ARHGAP24: variants seen among roughly 807,000 people sequenced by gnomAD.
ARHGAP24 encodes the protein Rho GTPase activating protein 24.
In ARHGAP24, 50 loss-of-function variants were observed where a neutral mutation model predicts 76.4. The observed-to-expected ratio is 0.65, with a 90% CI of 0.52 to 0.83. ARHGAP24 has a LOEUF of 0.83. Among genes scored for constraint, ARHGAP24 ranks in the 40% least tolerant of loss-of-function variants. The pLI, the probability that ARHGAP24 is intolerant of heterozygous loss-of-function variation, is 0.00. For synonymous variants in ARHGAP24, 345 were observed against 323.3 expected (o/e 1.07, Z -0.72); for missense variants, 930 against 914.2 (o/e 1.02, Z -0.22).
Position 85,939,089 on chromosome 4 carries a change from T to C in ARHGAP24, c.392-2977T>C, listed in dbSNP as rs566416685. On this transcript the variant is annotated intron_variant, in intron 4 of 9. Transcript: ENST00000395184. ...CATTTGGCAAGTTACTTGACCTTTC[T>C]GTGCTTCAAGCTCCTCCTCCTTAAA... 9.2e-5 allele frequency among the ~76,000 whole-genome samples: 14 copies of C among 152,334 alleles called. No homozygotes were observed. In the East Asian group the frequency reaches 2.7e-3, roughly 29 times the overall value.
intron 3 of ARHGAP24, among the ~76,000 whole-genome samples, chr4:85,761,971 A>C (rs1473979742): frequency 6.6e-6 from 1 of 152,172 alleles, no homozygotes; most frequent in East Asian, 1.9e-4. Flanking sequence ...TTTCTTCCCC[A>C]AAGTTCCTGT....
chr4:85,969,640 G>T (rs559247446), intron 5 of ARHGAP24, among the ~76,000 whole-genome samples: 16 of 152,198 alleles, frequency 1.1e-4, no homozygotes, highest in African/African-American at 3.9e-4. Flanking sequence ...CCTTCCCCAA[G>T]CTGTGGTTTT....
At chr4:85,695,516 G>A (rs548275074) in intron 2 of ARHGAP24, among the ~76,000 whole-genome samples, 1 of 152,262 alleles carries the variant, frequency 6.6e-6, no homozygotes, top group East Asian at 1.9e-4. Flanking sequence ...TTGTAAACTA[G>A]CAACCTTCTA....
At chr4:85,531,133 A>G (rs1578012103) in intron 1 of ARHGAP24, among the ~76,000 whole-genome samples, 1 of 152,044 alleles carries the variant, frequency 6.6e-6, no homozygotes, top group Non-Finnish European at 1.5e-5. Context: ...AGTGGGGCCA[A>G]CTAGTCCAGC....
chr4:85,999,202 AT>A (rs140578157), intron 9 of ARHGAP24, among the ~76,000 whole-genome samples: 7,243 of 152,196 alleles, frequency 0.048, 591 homozygotes, highest in African/African-American at 0.16. Flanking sequence ...TTCTTCCAAA[AT>A]TTTGGCTCTA....
chr4:85,970,005 C>A (rs1676944897), intron 5 of ARHGAP24, among the ~76,000 whole-genome samples: 1 of 152,062 alleles, frequency 6.6e-6, no homozygotes, highest in African/African-American at 2.4e-5. Context: ...AAAACAAGCC[C>A]TTTCAGATAA....
rs1560734422 is a variant in ARHGAP24 at position 85,942,260 on chromosome 4, C to G, written c.586C>G (p.Pro196Ala). The G allele has an allele frequency of 1.9e-6, 3 of 1,613,966 alleles. No individual in the cohort carries two copies. In the Admixed American group the frequency reaches 5.0e-5, roughly 27 times the overall value. Residue 196 changes from proline to alanine, a missense_variant, in exon 5 of 10, where the codon CCA (proline) becomes GCA (alanine). Coordinates refer to ENST00000395184, the MANE Select transcript of ARHGAP24 (RefSeq NM_001025616.3). ...AGATGCCTTTGACTGTGGGGAGAAG[C>G]CATCATTTGACAGGTAGATGTCACA... ...LQDAFDCGEK[P>A]SFDSNTDVHT...
intron 2 of ARHGAP24, among the ~76,000 whole-genome samples, chr4:85,668,545 G>A (rs1722717445): frequency 6.6e-6 from 1 of 152,188 alleles, no homozygotes; most frequent in Non-Finnish European, 1.5e-5. Flanking sequence ...AGAGGCTAGT[G>A]GCATCTTAGT....
intron 4 of ARHGAP24, among the ~76,000 whole-genome samples, chr4:85,923,972 C>A (rs1735879339): frequency 6.6e-6 from 1 of 151,972 alleles, no homozygotes; most frequent in African/African-American, 2.4e-5. Flanking sequence ...TTATAACGAA[C>A]CTTCTTCTGT....
In ARHGAP24 at chr4:85,628,163, G is replaced by A. The variant is rs6828730; in HGVS notation, c.180+57442G>A. On this transcript the variant is annotated intron_variant, in intron 2 of 9. Transcript: ENST00000395184. ...AATGCAGAAATCACCCATCTTCTGC[G>A]TCGCTCACACTGGGAGCTATAGACC... Among the ~76,000 whole-genome samples the A allele has an allele frequency of 1.5e-3, 229 of 152,278 alleles. 1 individual carries two copies. Among genetic ancestry groups the A allele is most frequent in the African/African-American group, 5.1e-3 (213 of 41,574 alleles).
At chr4:85,883,628 G>A (rs907408919) in intron 3 of ARHGAP24, among the ~76,000 whole-genome samples, 1 of 152,124 alleles carries the variant, frequency 6.6e-6, no homozygotes, top group Non-Finnish European at 1.5e-5. Flanking sequence ...GCAAAGCCTT[G>A]ACAAACTAGC....
At chr4:85,673,066 T>C (rs2110003167) in intron 2 of ARHGAP24, among the ~76,000 whole-genome samples, 1 of 152,322 alleles carries the variant, frequency 6.6e-6, no homozygotes, top group South Asian at 2.1e-4. Flanking sequence ...TGGCATGGCT[T>C]TGATAGATCG....
At chr4:85,625,474 GGA>G (rs1334442705) in intron 2 of ARHGAP24, among the ~76,000 whole-genome samples, 141,226 of 151,702 alleles carry the variant, frequency 0.93, 65,780 homozygotes, top group East Asian at 0.98. Context: ...CATTTGCTGA[GGA>G]GAGTTTTACT....
intron 3 of ARHGAP24, among the ~76,000 whole-genome samples, chr4:85,813,818 T>TA (rs1729116624): frequency 7.3e-6 from 1 of 137,160 alleles, no homozygotes; most frequent in Non-Finnish European, 1.5e-5. Flanking sequence ...TATATTTATT[T>TA]TATATATATA....
At chr4:85,661,375 G>A (rs1722379355) in intron 2 of ARHGAP24, among the ~76,000 whole-genome samples, 1 of 152,096 alleles carries the variant, frequency 6.6e-6, no homozygotes. Context: ...ATACGTCGTA[G>A]GCTCAAATCT....
At chr4:85,733,686 C>T (rs939758048) in intron 3 of ARHGAP24, among the ~76,000 whole-genome samples, 4 of 152,140 alleles carry the variant, frequency 2.6e-5, no homozygotes, top group African/African-American at 7.2e-5. Context: ...TCTGAGGGCT[C>T]TCTCCTTGGT....
intron 2 of ARHGAP24, among the ~76,000 whole-genome samples, chr4:85,660,474 G>C (rs7685271): frequency 0.028 from 4,290 of 152,138 alleles, 189 homozygotes; most frequent in African/African-American, 0.097. Flanking sequence ...TGAGACTCAG[G>C]GAAGGGAGAG....
intron 2 of ARHGAP24, among the ~76,000 whole-genome samples, chr4:85,630,505 C>T (rs1161155767): frequency 6.6e-6 from 1 of 152,048 alleles, no homozygotes. Flanking sequence ...GCAGGATAAA[C>T]GTTTACTAGT....
intron 4 of ARHGAP24, among the ~76,000 whole-genome samples, chr4:85,927,348 T>C (rs1736075927): frequency 6.6e-6 from 1 of 151,604 alleles, no homozygotes; most frequent in Non-Finnish European, 1.5e-5. Flanking sequence ...GATGAGGGGG[T>C]GATGGAGAGA....
Sources: allele counts gnomAD v4.1 joint callset (sites outside exome capture counted in the v4.1 genomes callset), GRCh38; gene constraint gnomAD v4.1.1; transcripts MANE v1.5; gene names NCBI Gene and HGNC (gene_info 2026-07-23, HGNC 2026-07-21).